The following TMEM108 variants were observed in gnomAD, a reference collection of about 807,000 sequenced individuals.
TMEM108 encodes the protein cancer/testis antigen 124.
Under a neutral mutation model 35.1 loss-of-function variants are expected in TMEM108, and 12 were observed. That is an observed-to-expected ratio of 0.34 (90% CI 0.22 to 0.55). The LOEUF (loss-of-function observed/expected upper bound fraction) is 0.55, where lower values mean the gene tolerates loss of function less well. TMEM108 is among the 20% of genes least tolerant of loss of function. The probability of loss-of-function intolerance (pLI) is 0.89; values close to 1 mark genes in which losing one functional copy is unlikely to be tolerated. For synonymous variants in TMEM108, 287 were observed against 308.6 expected, an observed-to-expected ratio of 0.93 and a Z score of 0.73; for missense variants, 680 against 753.3, an observed-to-expected ratio of 0.90 and a Z score of 1.14.
intron 2 of TMEM108, among the ~76,000 whole-genome samples, chr3:133,139,371 A>G (rs1015383752): frequency 1.3e-5 from 2 of 152,106 alleles, no homozygotes; most frequent in African/African-American, 4.8e-5. Context: ...GAAAAAAACA[A>G]CCTCTGTTGA....
At chr3:133,185,706 C>A (rs1201068762) in intron 2 of TMEM108, among the ~76,000 whole-genome samples, 1 of 151,792 alleles carries the variant, frequency 6.6e-6, no homozygotes, top group Non-Finnish European at 1.5e-5. Flanking sequence ...AAACTTGCAC[C>A]CAAGAATGAG....
At chr3:133,180,568 CA>C (rs1205447348) in intron 2 of TMEM108, among the ~76,000 whole-genome samples, 1 of 151,946 alleles carries the variant, frequency 6.6e-6, no homozygotes, top group African/African-American at 2.4e-5. Context: ...AGAGAATCCA[CA>C]AAAAACCTTT....
intron 3 of TMEM108, among the ~76,000 whole-genome samples, chr3:133,364,374 GAGA>G (rs749748496): frequency 6.6e-5 from 10 of 152,362 alleles, no homozygotes; most frequent in Non-Finnish European, 7.3e-5. Flanking sequence ...TTAAATGAGT[GAGA>G]AGAAGGTGAA....
At chr3:133,073,510 C>CTCTCTCTCTATATATATATATATATA in intron 2 of TMEM108, among the ~76,000 whole-genome samples, 1 of 43,910 alleles carries the variant, frequency 2.3e-5, no homozygotes. Context: ...CTCTCTCTCT[C>CTCTCTCTCTATATATATATATATATA]TATATATATA....
intron 2 of TMEM108, among the ~76,000 whole-genome samples, chr3:133,183,981 A>G (rs1299385873): frequency 1.3e-5 from 2 of 152,210 alleles, no homozygotes; most frequent in Non-Finnish European, 2.9e-5. Context: ...ATAAGGGCAC[A>G]TGATGATAAG....
At chr3:133,208,256 G>T (rs1945786977) in intron 2 of TMEM108, among the ~76,000 whole-genome samples, 1 of 152,138 alleles carries the variant, frequency 6.6e-6, no homozygotes, top group Admixed American at 6.5e-5. Context: ...TGCTGCTTGT[G>T]GTCTGAGGAC....
intron 5 of TMEM108, 126 bp from the exon 6 acceptor site, chr3:133,395,738 G>T (rs2107867112): frequency 1.0e-6 from 1 of 986,752 alleles, no homozygotes; most frequent in Admixed American, 3.3e-5. Context: ...TTAGCAGTAG[G>T]GATGATGAAA....
At chr3:133,282,899 G>A (rs1327170529) in intron 3 of TMEM108, among the ~76,000 whole-genome samples, 1 of 152,168 alleles carries the variant, frequency 6.6e-6, no homozygotes, top group Non-Finnish European at 1.5e-5. Context: ...AGGTTCATTG[G>A]TATTAACATG....
intron 2 of TMEM108, among the ~76,000 whole-genome samples, chr3:133,152,341 A>G (rs1406454366): frequency 1.3e-5 from 2 of 152,170 alleles, no homozygotes; most frequent in African/African-American, 4.8e-5. Flanking sequence ...TGCTAGTGTA[A>G]TGGCAACGTA....
intron 3 of TMEM108, among the ~76,000 whole-genome samples, chr3:133,291,129 T>A (rs1045229647): frequency 6.6e-6 from 1 of 152,188 alleles, no homozygotes; most frequent in African/African-American, 2.4e-5. Flanking sequence ...ATCCCAGAAA[T>A]GTTGTTCTAA....
chr3:133,243,472 A>G (rs1286283536), intron 3 of TMEM108, among the ~76,000 whole-genome samples: 1 of 143,426 alleles, frequency 7.0e-6, no homozygotes, highest in Non-Finnish European at 1.5e-5. Context: ...AAATGTTCAT[A>G]TTTCACACTA....
chr3:133,129,303 C>T (rs1375949689), intron 2 of TMEM108, among the ~76,000 whole-genome samples: 1 of 151,584 alleles, frequency 6.6e-6, no homozygotes, highest in African/African-American at 2.4e-5. Context: ...CGAGATCGTA[C>T]CACTGCACTC....
intron 2 of TMEM108, among the ~76,000 whole-genome samples, chr3:133,199,185 C>G (rs1025741228): frequency 6.6e-6 from 1 of 152,124 alleles, no homozygotes; most frequent in Admixed American, 6.5e-5. Flanking sequence ...GTTAGCCATT[C>G]GTCTAATCTT....
At position 133,309,526 on chromosome 3, in the gene TMEM108, G is replaced by A. The variant is rs537070797; in HGVS notation, c.41-70226G>A. Among the ~76,000 whole-genome samples, 19 of 152,092 alleles carry A rather than the reference G, an allele frequency of 1.2e-4. No homozygotes were observed. In the South Asian group the frequency reaches 3.9e-3, roughly 32 times the overall value. ...TGTTATAAATTTCCCTCTACACACTGCTTTAAATGTGTCCCAGAGATTCTG... is the reference window on the plus strand; with the variant it reads ...TGTTATAAATTTCCCTCTACACACTACTTTAAATGTGTCCCAGAGATTCTG... On this transcript the variant is annotated intron_variant, in intron 3 of 5. Transcript: ENST00000321871.
At chr3:133,095,737 G>A (rs559368696) in intron 2 of TMEM108, among the ~76,000 whole-genome samples, 10 of 152,234 alleles carry the variant, frequency 6.6e-5, no homozygotes, top group East Asian at 1.9e-4. Flanking sequence ...TCCGACAGGC[G>A]GTGGAGCTCA....
chr3:133,160,371 A>G (rs902883075), intron 2 of TMEM108, among the ~76,000 whole-genome samples: 7 of 152,204 alleles, frequency 4.6e-5, no homozygotes, highest in African/African-American at 1.7e-4. Context: ...AGGCACACCT[A>G]AGGAGCTGGC....
rs184196079 is a variant in TMEM108 at position 133,187,635 on chromosome 3, A to G, written c.-46-41631A>G. 1.2e-4 allele frequency among the ~76,000 whole-genome samples: 19 copies of G among 152,266 alleles called. No individual in the cohort carries two copies. In the East Asian group the frequency reaches 3.5e-3, roughly 28 times the overall value. ...CATGTTGGCAGGTGCCTATAATCCC[A>G]GCTGCTTGGGAGGCTGAGGTAGGAG... On this transcript the variant is annotated intron_variant, in intron 2 of 5. Transcript: ENST00000321871.
At chr3:133,130,094 C>T (rs1034916589) in intron 2 of TMEM108, among the ~76,000 whole-genome samples, 2 of 152,122 alleles carry the variant, frequency 1.3e-5, no homozygotes, top group Non-Finnish European at 2.9e-5. Flanking sequence ...TCAAATTTAA[C>T]TTTCAGAAGT....
At chr3:133,081,302 C>T (rs10935045) in intron 2 of TMEM108, among the ~76,000 whole-genome samples, 1 of 152,078 alleles carries the variant, frequency 6.6e-6, no homozygotes, top group Non-Finnish European at 1.5e-5. Flanking sequence ...GGTTTTCTTC[C>T]CAGTTTGCAG....
Sources: allele counts gnomAD v4.1 joint callset (sites outside exome capture counted in the v4.1 genomes callset), GRCh38; gene constraint gnomAD v4.1.1; transcripts MANE v1.5; gene names NCBI Gene and HGNC (gene_info 2026-07-23, HGNC 2026-07-21).